The following CELF2 variants were observed in gnomAD, a reference collection of about 807,000 sequenced individuals.
CELF2 encodes CUG triplet repeat RNA-binding protein 2.
Under a neutral mutation model 62.6 loss-of-function variants are expected in CELF2, and 8 were observed. That is an observed-to-expected ratio of 0.13 (90% CI 0.07 to 0.23). The LOEUF (loss-of-function observed/expected upper bound fraction) is 0.23, where lower values mean the gene tolerates loss of function less well. Ranked by LOEUF, CELF2 falls within the 10% of genes least tolerant of loss-of-function variation. The pLI is 1.00. For synonymous variants in CELF2, 258 were observed against 250.0 expected (o/e 1.03, Z -0.30); for missense variants, 333 against 671.0 (o/e 0.50, Z 5.56).
At chr10:10,911,058 C>T (rs1410020871) in intron 1 of CELF2, among the ~76,000 whole-genome samples, 2 of 152,170 alleles carry the variant, frequency 1.3e-5, no homozygotes, top group East Asian at 1.9e-4. Context: ...CCTCATAATG[C>T]CACTAGCAGT....
chr10:10,640,771 G>A, the CELF2 span, among the ~76,000 whole-genome samples: 1 of 152,168 alleles, frequency 6.6e-6, no homozygotes, highest in East Asian at 1.9e-4. Flanking sequence ...AGGAAAGAAA[G>A]AAAAAATGTT....
the CELF2 span, among the ~76,000 whole-genome samples, chr10:10,662,475 G>T: frequency 6.6e-6 from 1 of 152,086 alleles, no homozygotes; most frequent in South Asian, 2.1e-4. Context: ...GCACTGGCCT[G>T]ATTCCCTGTA....
At chr10:10,545,694 T>TAC in the CELF2 span, among the ~76,000 whole-genome samples, 6 of 151,810 alleles carry the variant, frequency 4.0e-5, no homozygotes, top group East Asian at 1.9e-4. Flanking sequence ...AAATATACTA[T>TAC]ACACACACAC....
At chr10:11,139,878 C>T (rs577193430) in intron 1 of CELF2, among the ~76,000 whole-genome samples, 275 of 151,600 alleles carry the variant, frequency 1.8e-3, no homozygotes, top group African/African-American at 6.4e-3. Flanking sequence ...CCCCTCAGGT[C>T]ATCTCAACAA....
At chr10:10,704,744 G>A in the CELF2 span, among the ~76,000 whole-genome samples, 2 of 152,144 alleles carry the variant, frequency 1.3e-5, no homozygotes, top group African/African-American at 2.4e-5. Flanking sequence ...CGTCATGTCT[G>A]TTCAGACCCA....
At chr10:10,854,952 A>C (rs983591080) in intron 1 of CELF2, among the ~76,000 whole-genome samples, 20 of 152,052 alleles carry the variant, frequency 1.3e-4, no homozygotes, top group African/African-American at 3.4e-4. Flanking sequence ...TGGATGAACA[A>C]GTTCAGATTT....
chr10:10,724,786 C>T, the CELF2 span, among the ~76,000 whole-genome samples: 1 of 152,096 alleles, frequency 6.6e-6, no homozygotes, highest in Non-Finnish European at 1.5e-5. Flanking sequence ...TCTCTCAAGT[C>T]CTTACCTCCT....
intron 9 of CELF2, among the ~76,000 whole-genome samples, chr10:11,313,588 C>G (rs977549237): frequency 3.3e-5 from 5 of 152,158 alleles, no homozygotes; most frequent in African/African-American, 1.2e-4. Context: ...TGAAGAAATA[C>G]AAAGTCCAGA....
At chr10:11,106,202 CTTTA>C (rs1173531655) in intron 1 of CELF2, among the ~76,000 whole-genome samples, 1 of 109,338 alleles carries the variant, frequency 9.1e-6, no homozygotes. Flanking sequence ...TTTTATTTTA[CTTTA>C]TTTTATTTAT....
chr10:11,217,340 T>C lies in CELF2; in HGVS notation c.272-85T>C. The C allele has an allele frequency of 1.2e-6, 1 of 864,194 alleles. No individual in the cohort carries two copies. Among genetic ancestry groups the C allele is most frequent in the Non-Finnish European group, 1.9e-6 (1 of 535,816 alleles). The allele number at this position is 864,194 out of a possible 1,614,324, so 53.5% of individuals were successfully genotyped here. The stretch of plus-strand genomic sequence containing the variant: ...TTTTTAAATTGTGCGTCCTTTTAAG[T>C]AGATTGTTTGTTCGCCACAGTCTCC... On this transcript the variant is annotated intron_variant, in intron 2 of 12. Transcript: ENST00000633077. This position sits in a 1 kb window ranked among gnomAD's most constrained non-coding sequence, Gnocchi z 5.6.
At position 11,100,220 on chromosome 10, in the gene CELF2, TAAAA is replaced by T. The variant is rs778334863; in HGVS notation, c.75-65265_75-65262del. 6.1e-3 allele frequency among the ~76,000 whole-genome samples: 736 copies of T among 120,338 alleles called. 7 individuals are homozygous for T. The highest frequency in any genetic ancestry group is 0.033 in the African/African-American group (681 of 20,802). The allele number at this position is 120,338 out of a possible 152,430, so 78.9% of individuals were successfully genotyped here. The stretch of plus-strand genomic sequence containing the variant: ...CTCTGTCTCAAAATAAATAAATAAA[TAAAA>T]TAAATAAATAAATAAATAAAGTTTA... On this transcript the variant is annotated intron_variant, in intron 1 of 12. Transcript: ENST00000633077.
At chr10:10,478,453 C>T in the CELF2 span, among the ~76,000 whole-genome samples, 1 of 151,972 alleles carries the variant, frequency 6.6e-6, no homozygotes, top group Non-Finnish European at 1.5e-5. Flanking sequence ...CTCTTGATAG[C>T]ATCTGATGCA....
rs1489033187 is a variant in CELF2 at position 11,212,628 on chromosome 10, T to G, written c.272-4797T>G. Among the ~76,000 whole-genome samples, 5 of 152,208 alleles carry G rather than the reference T, an allele frequency of 3.3e-5. No individual in the cohort carries two copies. The East Asian group carries it at 9.6e-4, about 29-fold the overall frequency. On this transcript the variant is annotated intron_variant, in intron 2 of 12. Coordinates refer to ENST00000633077, the MANE Select transcript of CELF2 (RefSeq NM_001326342.2). Reference sequence around the variant, plus strand: ...GTTCTGGGCTCACCTCTCCCGAGTTTTCCATTGGACCTGATGGACCTATGA... The same window carrying G: ...GTTCTGGGCTCACCTCTCCCGAGTTGTCCATTGGACCTGATGGACCTATGA...
intron 1 of CELF2, among the ~76,000 whole-genome samples, chr10:11,147,680 C>A (rs1206084597): frequency 6.6e-6 from 1 of 152,206 alleles, no homozygotes; most frequent in Non-Finnish European, 1.5e-5. Flanking sequence ...AAGTGGATTC[C>A]TCTTGTATTT....
the CELF2 span, among the ~76,000 whole-genome samples, chr10:10,620,449 T>TAAA: frequency 6.8e-4 from 21 of 30,882 alleles, no homozygotes; most frequent in Admixed American, 3.2e-3. Context: ...AGGCTCAGTC[T>TAAA]CAAAAAAAAA....
chr10:10,638,796 C>T, the CELF2 span, among the ~76,000 whole-genome samples: 4 of 152,174 alleles, frequency 2.6e-5, no homozygotes, highest in Non-Finnish European at 4.4e-5. Context: ...TCACCAAATG[C>T]AGAACTCTCT....
intron 1 of CELF2, among the ~76,000 whole-genome samples, chr10:11,066,915 C>T (rs568421833): frequency 5.3e-5 from 8 of 152,164 alleles, no homozygotes; most frequent in South Asian, 4.2e-4. Flanking sequence ...TAGGTGCTGT[C>T]GGTTGTAAAC....
chr10:10,841,370 C>T (rs1370592829), intron 1 of CELF2, among the ~76,000 whole-genome samples: 1 of 150,850 alleles, frequency 6.6e-6, no homozygotes, highest in African/African-American at 2.4e-5. Flanking sequence ...TCTTCATCAC[C>T]AAACCCAAAG....
intron 2 of CELF2, among the ~76,000 whole-genome samples, chr10:11,193,460 A>G (rs1377646177): frequency 2.0e-5 from 3 of 152,246 alleles, no homozygotes; most frequent in Non-Finnish European, 4.4e-5. Context: ...ATTTCGCCAC[A>G]AACTGTGTTA....
Sources: gnomAD v4.1 joint callset for allele counts (sites outside exome capture counted in the v4.1 genomes callset) on GRCh38, gnomAD v4.1.1 for gene constraint, Gnocchi (gnomAD v3.1) non-coding constraint, MANE v1.5 for transcripts, NCBI Gene and HGNC (gene_info 2026-07-23, HGNC 2026-07-21) for gene names.